The following FLNB variants were observed in gnomAD, a reference collection of about 807,000 sequenced individuals.
FLNB encodes filamin B, also known as filamin-B.
Under a neutral mutation model 250.6 loss-of-function variants are expected in FLNB, and 111 were observed. That is an observed-to-expected ratio of 0.44 (90% CI 0.38 to 0.52). FLNB has a LOEUF of 0.52. Ranked by LOEUF, FLNB falls within the 20% of genes least tolerant of loss-of-function variation. The pLI, the probability that FLNB is intolerant of heterozygous loss-of-function variation, is 0.00. For missense variants in FLNB, 2,869 were observed against 3,447.8 expected, an observed-to-expected ratio of 0.83 and a Z score of 4.20; for synonymous variants, 1,302 against 1,372.1, an observed-to-expected ratio of 0.95 and a Z score of 1.13.
chr3:58,152,362 C>T (rs2097346508), intron 38 of FLNB, among the ~76,000 whole-genome samples: 1 of 152,210 alleles, frequency 6.6e-6, no homozygotes, highest in Admixed American at 6.5e-5. Flanking sequence ...AAATGTATGC[C>T]TCACAGTTGT....
intron 20 of FLNB, among the ~76,000 whole-genome samples, chr3:58,121,814 G>GC (rs1456532602): frequency 6.6e-6 from 1 of 152,168 alleles, no homozygotes; most frequent in Non-Finnish European, 1.5e-5. Context: ...GGAGGCCTCT[G>GC]CCCAGCACCC....
chr3:58,153,293 G>T (rs2097348271), intron 38 of FLNB, 82 bp from the exon 39 acceptor site: 2 of 1,540,138 alleles, frequency 1.3e-6, no homozygotes, highest in Non-Finnish European at 1.8e-6. Flanking sequence ...CTTGCTCTCG[G>T]CTGCTTGCCC....
chr3:58,153,394 G>A lies in FLNB; in HGVS notation c.6387G>A (p.Met2129Ile), dbSNP rs770613427. ...TTTCAGAAATCAACAGCAGTGATAT[G>A]TCGGCCCACGTCACCAGCCCCTCTG... is the stretch of plus-strand genomic sequence containing the variant. ...LKIPEINSSDMSAHVTSPSGR... is the reference protein window; with the variant it reads ...LKIPEINSSDISAHVTSPSGR... The change falls in exon 39 of 46, where the codon ATG (methionine) becomes ATA (isoleucine). Residue 2129 changes from methionine (M) to isoleucine (I), a missense_variant. This residue lies in a region of FLNB where 1,084 missense variants were observed against 1,315.5 expected (regional missense o/e 0.82). Transcript: ENST00000295956. 1 of 1,614,218 alleles carries A rather than the reference G, an allele frequency of 6.2e-7. No homozygotes were observed. The highest frequency in any genetic ancestry group is 1.1e-5 in the South Asian group (1 of 91,088).
intron 28 of FLNB, 25 bp from the exon 29 acceptor site, chr3:58,138,257 T>C (rs2107233130): frequency 6.2e-7 from 1 of 1,612,806 alleles, no homozygotes; most frequent in South Asian, 1.1e-5. Context: ...ATACTTCCAT[T>C]CTCTTCCCCT....
chr3:58,133,502 T>A (rs1363276393), intron 26 of FLNB, among the ~76,000 whole-genome samples: 2 of 146,070 alleles, frequency 1.4e-5, no homozygotes, highest in Non-Finnish European at 3.0e-5. Flanking sequence ...AAATAAATAA[T>A]TTATTAGTTT....
At chr3:58,134,965 G>T (rs1038209264) in intron 27 of FLNB, among the ~76,000 whole-genome samples, 193 bp downstream of exon 27, 3 of 152,178 alleles carry the variant, frequency 2.0e-5, no homozygotes, top group African/African-American at 7.2e-5. Flanking sequence ...GTAGCTCCAA[G>T]AACCACTTTT....
chr3:58,044,459 A>ACC (rs2097150611), intron 1 of FLNB, among the ~76,000 whole-genome samples: 1 of 151,932 alleles, frequency 6.6e-6, no homozygotes, highest in South Asian at 2.1e-4. Flanking sequence ...AAACAAACCA[A>ACC]AAAAACCCCA....
At chr3:58,080,529 C>G (rs1419899252) in intron 3 of FLNB, among the ~76,000 whole-genome samples, 1 of 145,138 alleles carries the variant, frequency 6.9e-6, no homozygotes, top group East Asian at 2.0e-4. Context: ...GAGTCTTGCT[C>G]TGTCACATAG....
At chr3:58,078,550 C>A in intron 2 of FLNB, 167 bp from the exon 3 acceptor site, 1 of 1,534,920 alleles carries the variant, frequency 6.5e-7, no homozygotes, top group South Asian at 1.2e-5. Flanking sequence ...CCCTGGCACA[C>A]TCATACCTGT....
At chr3:58,061,930 A>G (rs572342766) in intron 1 of FLNB, among the ~76,000 whole-genome samples, 22 of 151,870 alleles carry the variant, frequency 1.4e-4, no homozygotes, top group African/African-American at 1.7e-4. Flanking sequence ...TGTCTCTAGA[A>G]AAACACAAAA....
At chr3:58,132,019 G>A in intron 25 of FLNB, 1 of 1,531,354 alleles carries the variant, frequency 6.5e-7, no homozygotes, top group South Asian at 1.2e-5. Context: ...TAATAAGACA[G>A]GTTTGCATTT....
At chr3:58,076,976 T>G in intron 1 of FLNB, 70 bp from the exon 2 acceptor site, 1 of 1,537,196 alleles carries the variant, frequency 6.5e-7, no homozygotes, top group Non-Finnish European at 9.0e-7. Context: ...TCCATTTACA[T>G]TTATATAAGG....
intron 24 of FLNB, among the ~76,000 whole-genome samples, chr3:58,128,910 C>T (rs2097302045): frequency 6.6e-6 from 1 of 152,128 alleles, no homozygotes; most frequent in Non-Finnish European, 1.5e-5. Flanking sequence ...TCTGTTGCCT[C>T]CCAGAGAGCC....
intron 26 of FLNB, among the ~76,000 whole-genome samples, chr3:58,133,268 A>C (rs1254584956): frequency 6.6e-6 from 1 of 152,110 alleles, no homozygotes; most frequent in Non-Finnish European, 1.5e-5. Flanking sequence ...TTCCTTTCAG[A>C]CATCTTTAGT....
chr3:58,023,252 C>T (rs1453359719), intron 1 of FLNB, among the ~76,000 whole-genome samples: 4 of 151,874 alleles, frequency 2.6e-5, no homozygotes, highest in African/African-American at 9.7e-5. Flanking sequence ...GCACGTGCCA[C>T]CATGCCCAGC....
intron 19 of FLNB, among the ~76,000 whole-genome samples, chr3:58,119,419 C>T (rs774396080): frequency 3.9e-5 from 6 of 152,194 alleles, no homozygotes; most frequent in African/African-American, 1.2e-4. Flanking sequence ...ACTAAGGTTG[C>T]GAGTCAAGCA....
At chr3:58,067,593 G>GTTTTTTTTTTTTTTTTTT (rs375448903) in intron 1 of FLNB, among the ~76,000 whole-genome samples, 1 of 140,852 alleles carries the variant, frequency 7.1e-6, no homozygotes, top group African/African-American at 2.7e-5. Context: ...TTGTTTTTTT[G>GTTTTTTTTTTTTTTTTTT]TTTTTTTTTT....
rs571958612 is a variant in FLNB at position 58,112,368 on chromosome 3, C to G, written c.2745+50C>G. The G allele has an allele frequency of 4.2e-5, 66 of 1,574,112 alleles. No individual in the cohort carries two copies. The African/African-American group carries it at 6.6e-4, about 16-fold the overall frequency. ...CCCTGGCCCCCAGCCAGGCCCCTTT[C>G]TATGCAGTCGGTGCTGGGTCACTGT... is the stretch of plus-strand genomic sequence containing the variant. On this transcript the variant is annotated intron_variant, in intron 18 of 45. Coordinates refer to ENST00000295956, the MANE Select transcript of FLNB (RefSeq NM_001457.4).
At chr3:58,146,115 T>A in intron 33 of FLNB, 66 bp downstream of exon 33, 1 of 1,584,488 alleles carries the variant, frequency 6.3e-7, no homozygotes, top group Non-Finnish European at 8.7e-7. Context: ...TGGACACGGT[T>A]CCAGGGTGGC....
Sources: gnomAD v4.1 joint callset for allele counts (sites outside exome capture counted in the v4.1 genomes callset) on GRCh38, gnomAD v4.1.1 for gene constraint, gnomAD v4.1.1 regional missense constraint, MANE v1.5 for transcripts, NCBI Gene and HGNC (gene_info 2026-07-23, HGNC 2026-07-21) for gene names.